CHCHD6: variants seen among roughly 807,000 people sequenced by gnomAD.
CHCHD6 encodes the protein MICOS complex subunit MIC25.
A neutral mutation model predicts 32.3 loss-of-function variants in CHCHD6; 28 were observed. That is an observed-to-expected ratio of 0.87 (90% CI 0.64 to 1.19). CHCHD6 has a LOEUF of 1.19. Among genes scored for constraint, CHCHD6 ranks in the 50% most tolerant of loss-of-function variants. The pLI is 0.00. For missense variants in CHCHD6, 333 were observed against 307.0 expected (o/e 1.08, Z -0.63); for synonymous variants, 122 against 117.5 (o/e 1.04, Z -0.25).
chr3:126,931,503 C>T (rs2078405269), intron 6 of CHCHD6, among the ~76,000 whole-genome samples: 1 of 152,162 alleles, frequency 6.6e-6, no homozygotes, highest in Non-Finnish European at 1.5e-5. Flanking sequence ...GTCTGTGCTC[C>T]TCACAGTGTG....
chr3:126,863,502 TATCACCACCTCCTCCTCCACC>T (rs1942053007), intron 5 of CHCHD6, among the ~76,000 whole-genome samples: 2 of 18,360 alleles, frequency 1.1e-4, no homozygotes, highest in African/African-American at 2.2e-4. Context: ...CCTCCTCTAC[TATCACCACCTCCTCCTCCACC>T]ATCACCACCT....
chr3:126,940,182 G>A (rs1559933973), intron 6 of CHCHD6, among the ~76,000 whole-genome samples: 1 of 152,130 alleles, frequency 6.6e-6, no homozygotes, highest in Non-Finnish European at 1.5e-5. Flanking sequence ...AAACAATACA[G>A]AAAAATGCAA....
chr3:126,945,507 G>A (rs2078622968), intron 6 of CHCHD6, among the ~76,000 whole-genome samples: 3 of 149,858 alleles, frequency 2.0e-5, no homozygotes, highest in Admixed American at 2.0e-4. Flanking sequence ...GAGACTCAGG[G>A]GAGACTTGGG....
intron 5 of CHCHD6, among the ~76,000 whole-genome samples, chr3:126,877,881 CAAAAT>C (rs1456524534): frequency 2.0e-5 from 3 of 152,156 alleles, no homozygotes; most frequent in South Asian, 2.1e-4. Context: ...ACAATTATCT[CAAAAT>C]AAAATGTATA....
In CHCHD6 at chr3:126,942,289, G is replaced by C. The variant is rs115174276; in HGVS notation, c.567-15127G>C. Among the ~76,000 whole-genome samples the C allele has an allele frequency of 9.8e-3, 1,485 of 152,264 alleles. 27 individuals carry two copies. Among genetic ancestry groups the C allele is most frequent in the African/African-American group, 0.034 (1,396 of 41,546 alleles). On this transcript the variant is annotated intron_variant, in intron 6 of 7. Coordinates refer to ENST00000290913, the MANE Select transcript of CHCHD6 (RefSeq NM_032343.3). ...AAGGCCTTATTTTCCCTTTGTGTTT[G>C]CTTAGTATTTTGTGGGGGAGATACT...
chr3:126,922,740 T>C (rs1378566421), intron 6 of CHCHD6, among the ~76,000 whole-genome samples: 2 of 152,040 alleles, frequency 1.3e-5, no homozygotes, highest in Non-Finnish European at 2.9e-5. Context: ...TGTGTACACG[T>C]GCTTGTTTCC....
Position 126,767,898 on chromosome 3 carries a change from C to G in CHCHD6, c.411+34676C>G, listed in dbSNP as rs1018736661. 2.6e-5 allele frequency among the ~76,000 whole-genome samples: 4 copies of G among 152,164 alleles called. No individual in the cohort carries two copies. The East Asian group carries it at 7.7e-4, about 29-fold the overall frequency. ...TTGCTTAGGATAATGGCCTCCAGCT[C>G]CATCTATGTTGCCACAAAGGACACG... On this transcript the variant is annotated intron_variant, in intron 4 of 7. Transcript: ENST00000290913.
chr3:126,833,537 G>A (rs928713672), intron 4 of CHCHD6, among the ~76,000 whole-genome samples: 8 of 152,196 alleles, frequency 5.3e-5, no homozygotes, highest in South Asian at 2.1e-4. Context: ...GCAGTGTGGC[G>A]AGTGGGAAGA....
chr3:126,800,456 G>T (rs967020954), intron 4 of CHCHD6, among the ~76,000 whole-genome samples: 1 of 152,198 alleles, frequency 6.6e-6, no homozygotes, highest in Admixed American at 6.5e-5. Flanking sequence ...ACTTACCAGG[G>T]TGTCCCCAAA....
chr3:126,925,702 C>T lies in CHCHD6; in HGVS notation c.566+10952C>T, dbSNP rs142003012. On this transcript the variant is annotated intron_variant, in intron 6 of 7. Coordinates refer to ENST00000290913, the MANE Select transcript of CHCHD6 (RefSeq NM_032343.3). ...AGTATCATAGTGGTTTTCTCTTGGA[C>T]GCTGCTTAGAGCAGGGAGGCCTTCC... Among the ~76,000 whole-genome samples, 301 of 152,310 alleles carry T rather than the reference C, an allele frequency of 2.0e-3. 1 individual carries two copies. The highest frequency in any genetic ancestry group is 6.7e-3 in the African/African-American group (278 of 41,572).
chr3:126,793,173 G>A (rs1293954166), intron 4 of CHCHD6, among the ~76,000 whole-genome samples: 2 of 151,998 alleles, frequency 1.3e-5, no homozygotes, highest in Non-Finnish European at 2.9e-5. Context: ...CATTATAGCA[G>A]TCTCTTCTTT....
intron 4 of CHCHD6, among the ~76,000 whole-genome samples, chr3:126,785,000 C>T (rs1168361953): frequency 6.6e-6 from 1 of 151,964 alleles, no homozygotes; most frequent in African/African-American, 2.4e-5. Context: ...TTCTTCTATT[C>T]TCCTTGTGAT....
At chr3:126,775,723 C>A (rs1294485349) in intron 4 of CHCHD6, among the ~76,000 whole-genome samples, 1 of 152,230 alleles carries the variant, frequency 6.6e-6, no homozygotes, top group Non-Finnish European at 1.5e-5. Context: ...AGGGGCACCT[C>A]ATGGCTGAGA....
At chr3:126,721,798 A>G (rs774773041) in intron 1 of CHCHD6, among the ~76,000 whole-genome samples, 14 of 142,650 alleles carry the variant, frequency 9.8e-5, no homozygotes, top group South Asian at 6.7e-4. Context: ...GGCAGTCACG[A>G]ATCTACTTTT....
chr3:126,823,386 A>G (rs112107334), intron 4 of CHCHD6, among the ~76,000 whole-genome samples: 2 of 152,258 alleles, frequency 1.3e-5, no homozygotes, highest in Admixed American at 6.5e-5. Flanking sequence ...CATTATATGT[A>G]TATCCATTTG....
chr3:126,895,934 A>G (rs2077832181), intron 5 of CHCHD6, among the ~76,000 whole-genome samples: 2 of 152,322 alleles, frequency 1.3e-5, no homozygotes, highest in South Asian at 4.1e-4. Context: ...ATTCACTGCC[A>G]AGCCTCTGGC....
chr3:126,798,055 T>C (rs1938878371), intron 4 of CHCHD6, among the ~76,000 whole-genome samples: 1 of 152,168 alleles, frequency 6.6e-6, no homozygotes, highest in African/African-American at 2.4e-5. Context: ...TTTTAAAAAG[T>C]CTATGACTTT....
intron 6 of CHCHD6, among the ~76,000 whole-genome samples, chr3:126,927,641 G>A (rs80239027): frequency 0.034 from 5,163 of 152,266 alleles, 295 homozygotes; most frequent in African/African-American, 0.12. Context: ...ACTCACTTCC[G>A]GAATAAAGCC....
intron 5 of CHCHD6, among the ~76,000 whole-genome samples, chr3:126,884,040 A>T (rs1244287344): frequency 6.6e-6 from 1 of 151,528 alleles, no homozygotes. Context: ...TGGGGAGTAA[A>T]ATACTCATTT....
Sources: allele counts gnomAD v4.1 joint callset (sites outside exome capture counted in the v4.1 genomes callset), GRCh38; gene constraint gnomAD v4.1.1; transcripts MANE v1.5; gene names NCBI Gene and HGNC (gene_info 2026-07-23, HGNC 2026-07-21).